CCSER1: variants seen among roughly 807,000 people sequenced by gnomAD.
The protein encoded by CCSER1 is coiled-coil serine rich protein 1, also known as serine-rich coiled-coil domain-containing protein 1.
Under a neutral mutation model 82.0 loss-of-function variants are expected in CCSER1, and 41 were observed. That is an observed-to-expected ratio of 0.50 (90% CI 0.39 to 0.65). The LOEUF is 0.65. Ranked by LOEUF, CCSER1 falls within the 30% of genes least tolerant of loss-of-function variation. The pLI, the probability that CCSER1 is intolerant of heterozygous loss-of-function variation, is 0.00. For missense variants in CCSER1, 1,119 were observed against 1,064.2 expected, an observed-to-expected ratio of 1.05 and a Z score of -0.72; for synonymous variants, 414 against 383.9, an observed-to-expected ratio of 1.08 and a Z score of -0.92.
intron 1 of CCSER1, among the ~76,000 whole-genome samples, chr4:90,149,257 G>A (rs1726371235): frequency 6.6e-6 from 1 of 152,054 alleles, no homozygotes; most frequent in South Asian, 2.1e-4. Context: ...TTAGAAAGTA[G>A]TAGAGCAGAA....
chr4:91,543,060 CTTCT>C (rs1761691038), intron 10 of CCSER1, among the ~76,000 whole-genome samples: 1 of 152,090 alleles, frequency 6.6e-6, no homozygotes, highest in Non-Finnish European at 1.5e-5. Context: ...ATGTAATGGC[CTTCT>C]TTGTCTCTTT....
At chr4:90,275,444 C>T (rs1313975552) in intron 1 of CCSER1, among the ~76,000 whole-genome samples, 1 of 152,012 alleles carries the variant, frequency 6.6e-6, no homozygotes, top group African/African-American at 2.4e-5. Context: ...ATGTGATAAT[C>T]GTAAGCCTAA....
At chr4:90,373,757 A>G (rs551327662) in intron 3 of CCSER1, among the ~76,000 whole-genome samples, 1 of 152,162 alleles carries the variant, frequency 6.6e-6, no homozygotes, top group South Asian at 2.1e-4. Flanking sequence ...TTTGTTATGG[A>G]CCGTCTTTTC....
intron 9 of CCSER1, among the ~76,000 whole-genome samples, chr4:90,983,439 C>T (rs1318048746): frequency 6.6e-6 from 1 of 151,518 alleles, no homozygotes. Context: ...GATATGTGAC[C>T]TCCAGGGCAT....
At chr4:90,741,535 TCA>T (rs1746553188) in intron 7 of CCSER1, among the ~76,000 whole-genome samples, 2 of 152,226 alleles carry the variant, frequency 1.3e-5, no homozygotes, top group Non-Finnish European at 2.9e-5. Context: ...GGCTGGGAAT[TCA>T]CACTGTTATA....
At chr4:90,782,247 A>G (rs531143230) in intron 7 of CCSER1, among the ~76,000 whole-genome samples, 1 of 152,334 alleles carries the variant, frequency 6.6e-6, no homozygotes, top group South Asian at 2.1e-4. Flanking sequence ...GAATTTGTAG[A>G]CTAATCTAAG....
chr4:91,491,614 T>A (rs1006716830), intron 10 of CCSER1, among the ~76,000 whole-genome samples: 1 of 152,146 alleles, frequency 6.6e-6, no homozygotes, highest in Non-Finnish European at 1.5e-5. Context: ...GTGAGCATTT[T>A]AAAAACTTAT....
At chr4:90,511,649 CT>C (rs1771529647) in intron 5 of CCSER1, among the ~76,000 whole-genome samples, 1 of 152,064 alleles carries the variant, frequency 6.6e-6, no homozygotes, top group Non-Finnish European at 1.5e-5. Context: ...TATAGAGCTC[CT>C]GTTTGGATGC....
chr4:91,316,312 C>T lies in CCSER1; in HGVS notation c.2217+230318C>T, dbSNP rs921895222. The stretch of plus-strand genomic sequence containing the variant: ...ATTAGTAAATTCAAAGAACATGGAA[C>T]AATGCCTGGTACATCATGAGCACTC... On this transcript the variant is annotated intron_variant, in intron 10 of 10. Coordinates refer to ENST00000509176, the MANE Select transcript of CCSER1 (RefSeq NM_001145065.2). Among the ~76,000 whole-genome samples the T allele has an allele frequency of 4.6e-4, 70 of 151,918 alleles. 1 individual carries two copies. Among genetic ancestry groups the T allele is most frequent in the Non-Finnish European group, 1.5e-4 (10 of 67,936 alleles).
At position 91,211,621 on chromosome 4, in the gene CCSER1, G is replaced by A. The variant is rs184087661; in HGVS notation, c.2217+125627G>A. On this transcript the variant is annotated intron_variant, in intron 10 of 10. Coordinates refer to ENST00000509176, the MANE Select transcript of CCSER1 (RefSeq NM_001145065.2). Reference sequence around the variant, plus strand: ...CGCATGTGGGAAGCAACATAGCATAGTGGTTGGAGTAAGTACTATGGTATT... The same window carrying A: ...CGCATGTGGGAAGCAACATAGCATAATGGTTGGAGTAAGTACTATGGTATT... Among the ~76,000 whole-genome samples, 872 of 152,180 alleles carry A rather than the reference G, an allele frequency of 5.7e-3. 8 individuals are homozygous for A. Among genetic ancestry groups the A allele is most frequent in the African/African-American group, 0.02 (835 of 41,540 alleles).
chr4:91,141,244 C>G (rs1224683833), intron 10 of CCSER1, among the ~76,000 whole-genome samples: 1 of 151,744 alleles, frequency 6.6e-6, no homozygotes. Context: ...ACCTCTACCT[C>G]TTGAGTTCAA....
At chr4:90,701,777 C>T (rs1437295163) in intron 6 of CCSER1, among the ~76,000 whole-genome samples, 3 of 152,114 alleles carry the variant, frequency 2.0e-5, no homozygotes, top group Non-Finnish European at 2.9e-5. Context: ...CTCTGTTTGT[C>T]TGTTATTGGT....
intron 7 of CCSER1, among the ~76,000 whole-genome samples, chr4:90,784,321 C>T (rs1267210841): frequency 6.6e-6 from 1 of 152,198 alleles, no homozygotes; most frequent in Non-Finnish European, 1.5e-5. Flanking sequence ...CAATTTATAG[C>T]ACACTGTGAT....
chr4:90,568,065 T>C (rs1779619268), intron 5 of CCSER1, among the ~76,000 whole-genome samples: 1 of 152,260 alleles, frequency 6.6e-6, no homozygotes, highest in Non-Finnish European at 1.5e-5. Context: ...TTGATACAAT[T>C]TCAATCTTAT....
chr4:90,390,358 G>A (rs929461527), intron 3 of CCSER1, among the ~76,000 whole-genome samples: 1 of 152,118 alleles, frequency 6.6e-6, no homozygotes, highest in Non-Finnish European at 1.5e-5. Context: ...ATGATGCTGA[G>A]GTCTGAGGTA....
At chr4:91,102,712 G>A (rs1725204238) in intron 10 of CCSER1, among the ~76,000 whole-genome samples, 1 of 152,018 alleles carries the variant, frequency 6.6e-6, no homozygotes. Flanking sequence ...AACTTACAGT[G>A]TTTTTGTGTG....
At chr4:91,407,523 A>G (rs1388335661) in intron 10 of CCSER1, among the ~76,000 whole-genome samples, 2 of 152,206 alleles carry the variant, frequency 1.3e-5, no homozygotes, top group Non-Finnish European at 1.5e-5. Context: ...TTGTGTTACT[A>G]TAAAGAAACA....
At chr4:91,578,405 A>G (rs915308355) in intron 10 of CCSER1, among the ~76,000 whole-genome samples, 9 of 151,960 alleles carry the variant, frequency 5.9e-5, no homozygotes, top group Non-Finnish European at 1.2e-4. Flanking sequence ...GTACTTAATA[A>G]ATGTATCAGA....
chr4:91,444,313 A>C (rs1246808554), intron 10 of CCSER1, among the ~76,000 whole-genome samples: 1 of 152,232 alleles, frequency 6.6e-6, no homozygotes, highest in Admixed American at 6.5e-5. Flanking sequence ...ATTCTTTGAT[A>C]TAAACTTACT....
Sources: allele counts gnomAD v4.1 joint callset (sites outside exome capture counted in the v4.1 genomes callset), GRCh38; gene constraint gnomAD v4.1.1; transcripts MANE v1.5; gene names NCBI Gene and HGNC (gene_info 2026-07-23, HGNC 2026-07-21).